ATOSA: variants seen among roughly 807,000 people sequenced by gnomAD.
The protein encoded by ATOSA is atos homolog protein A.
chr15:52,635,704 T>A, the ATOSA span, among the ~76,000 whole-genome samples: 4 of 151,172 alleles, frequency 2.6e-5, no homozygotes, highest in Non-Finnish European at 5.9e-5. Context: ...TCAAAAAAAA[T>A]AAATCAAAAT....
At chr15:52,688,407 GGA>G in the ATOSA span, among the ~76,000 whole-genome samples, 3 of 152,164 alleles carry the variant, frequency 2.0e-5, no homozygotes, top group South Asian at 4.1e-4. Flanking sequence ...AAGATGGACT[GGA>G]GAGAGTTTTA....
the ATOSA span, among the ~76,000 whole-genome samples, chr15:52,641,996 G>C: frequency 6.6e-6 from 1 of 152,166 alleles, no homozygotes; most frequent in African/African-American, 2.4e-5. Flanking sequence ...AACTAAACTG[G>C]TTTTAGTTCA....
chr15:52,662,816 T>C, the ATOSA span, among the ~76,000 whole-genome samples: 3 of 150,834 alleles, frequency 2.0e-5, no homozygotes, highest in East Asian at 5.8e-4. Context: ...TTGTGTACCA[T>C]GTTAATATTC....
At chr15:52,706,542 AG>A in the ATOSA span, among the ~76,000 whole-genome samples, 25 of 152,224 alleles carry the variant, frequency 1.6e-4, no homozygotes, top group Non-Finnish European at 3.2e-4. Flanking sequence ...CTGTCTTATA[AG>A]AACAAACAAC....
chr15:52,604,257 T>C, the ATOSA span, among the ~76,000 whole-genome samples: 1 of 152,210 alleles, frequency 6.6e-6, no homozygotes, highest in Non-Finnish European at 1.5e-5. Context: ...CCGTCTCTAC[T>C]AAAAATACAA....
At chr15:52,590,209 G>T in the ATOSA span, among the ~76,000 whole-genome samples, 3 of 152,166 alleles carry the variant, frequency 2.0e-5, no homozygotes, top group Non-Finnish European at 4.4e-5. Flanking sequence ...AAAACTGAAA[G>T]AACTATATCT....
At chr15:52,672,172 C>CAA in the ATOSA span, among the ~76,000 whole-genome samples, 112 of 62,558 alleles carry the variant, frequency 1.8e-3, 1 homozygote, top group African/African-American at 6.1e-3. Flanking sequence ...CCCCATTTCT[C>CAA]AAAAAAAAAA....
At chr15:52,693,148 G>A in the ATOSA span, among the ~76,000 whole-genome samples, 4 of 152,124 alleles carry the variant, frequency 2.6e-5, no homozygotes, top group Non-Finnish European at 4.4e-5. Context: ...GGCCAGGTGC[G>A]GTGGCTCATG....
At chr15:52,652,820 G>C in the ATOSA span, among the ~76,000 whole-genome samples, 1 of 152,152 alleles carries the variant, frequency 6.6e-6, no homozygotes, top group East Asian at 1.9e-4. Context: ...AGATATAGAA[G>C]TATAGACTTT....
At chr15:52,628,244 G>C in the ATOSA span, among the ~76,000 whole-genome samples, 1,560 of 152,218 alleles carry the variant, frequency 0.01, 26 homozygotes, top group African/African-American at 0.036. Flanking sequence ...AATGATTTTA[G>C]ATATTTTAAG....
chr15:52,635,441 C>G, the ATOSA span, among the ~76,000 whole-genome samples: 1 of 152,124 alleles, frequency 6.6e-6, no homozygotes, highest in African/African-American at 2.4e-5. Context: ...ACCTGTAATG[C>G]CAGCACTTTG....
the ATOSA span, among the ~76,000 whole-genome samples, chr15:52,706,745 T>C: frequency 1.2e-4 from 18 of 152,192 alleles, no homozygotes; most frequent in Non-Finnish European, 1.6e-4. Flanking sequence ...AGCGATGTAT[T>C]GATGCATGCC....
the ATOSA span, among the ~76,000 whole-genome samples, chr15:52,650,779 C>T: frequency 6.6e-6 from 1 of 152,110 alleles, no homozygotes; most frequent in Non-Finnish European, 1.5e-5. Context: ...AACTAAAGGC[C>T]ACTTAGCCAT....
chr15:52,611,221 G>A, the ATOSA span: 1 of 1,613,814 alleles, frequency 6.2e-7, no homozygotes, highest in Middle Eastern at 1.6e-4. Context: ...ACAGCCAACA[G>A]AAGCGTCTTC....
At chr15:52,672,248 C>T in the ATOSA span, among the ~76,000 whole-genome samples, 3 of 149,350 alleles carry the variant, frequency 2.0e-5, no homozygotes, top group Non-Finnish European at 4.4e-5. Context: ...ACTCTGGAAG[C>T]TTAAGCAGGA....
At chr15:52,692,969 C>T in the ATOSA span, among the ~76,000 whole-genome samples, 52 of 152,256 alleles carry the variant, frequency 3.4e-4, 1 homozygote, top group African/African-American at 1.1e-3. Flanking sequence ...TCTTACAGAG[C>T]ATTTACCAAA....
the ATOSA span, chr15:52,601,239 T>C: frequency 2.2e-6 from 2 of 905,946 alleles, no homozygotes; most frequent in African/African-American, 1.7e-5. Context: ...TAAAACACTT[T>C]TTAAATGAAA....
the ATOSA span, among the ~76,000 whole-genome samples, chr15:52,677,366 G>A: frequency 6.6e-6 from 1 of 152,072 alleles, no homozygotes; most frequent in Admixed American, 6.5e-5. Flanking sequence ...TCAGAAGACT[G>A]ATAAAGAATT....
chr15:52,668,257 C>T, the ATOSA span, among the ~76,000 whole-genome samples: 6 of 152,160 alleles, frequency 3.9e-5, no homozygotes, highest in African/African-American at 9.7e-5. Flanking sequence ...TTTGCAACAA[C>T]ATAAATGAAC....
Sources: allele counts gnomAD v4.1 joint callset (sites outside exome capture counted in the v4.1 genomes callset), GRCh38; gene constraint gnomAD v4.1.1; transcripts MANE v1.5; gene names NCBI Gene and HGNC (gene_info 2026-07-23, HGNC 2026-07-21).